DNAH14: variants seen among roughly 807,000 people sequenced by gnomAD.
DNAH14 encodes the protein axonemal beta dynein heavy chain 14.
Under a neutral mutation model 520.9 loss-of-function variants are expected in DNAH14, and 478 were observed. That is an observed-to-expected ratio of 0.92 (90% confidence interval 0.85 to 0.99). The LOEUF is 0.99. DNAH14 is among the 50% of genes least tolerant of loss of function. The probability of loss-of-function intolerance (pLI) is 0.00; values close to 1 mark genes in which losing one functional copy is unlikely to be tolerated. For synonymous variants in DNAH14, 1,581 were observed against 1,757.2 expected, an observed-to-expected ratio of 0.90 and a Z score of 2.51; for missense variants, 4,831 against 5,234.5, an observed-to-expected ratio of 0.92 and a Z score of 2.38.
chr1:224,975,502 G>C (rs1380936083), intron 8 of DNAH14, among the ~76,000 whole-genome samples: 3 of 152,006 alleles, frequency 2.0e-5, no homozygotes, highest in Admixed American at 1.3e-4. Flanking sequence ...AGATTTTCTA[G>C]TTTATTTGCG....
At chr1:224,973,172 T>C (rs1327439145) in intron 7 of DNAH14, among the ~76,000 whole-genome samples, 1 of 152,256 alleles carries the variant, frequency 6.6e-6, no homozygotes, top group East Asian at 1.9e-4. Context: ...GTGGGCCTGT[T>C]TGAAGGATAT....
intron 17 of DNAH14, among the ~76,000 whole-genome samples, chr1:225,055,898 G>A (rs897686983): frequency 3.9e-5 from 6 of 152,000 alleles, no homozygotes; most frequent in Non-Finnish European, 8.8e-5. Flanking sequence ...GTATTCCATG[G>A]TATATATGTG....
intron 37 of DNAH14, among the ~76,000 whole-genome samples, chr1:225,187,128 G>A (rs2084862880): frequency 6.6e-6 from 1 of 151,654 alleles, no homozygotes; most frequent in Non-Finnish European, 1.5e-5. Context: ...TTGCTGGTTG[G>A]CATGGTATAA....
intron 23 of DNAH14, among the ~76,000 whole-genome samples, chr1:225,101,329 A>G (rs1204823158): frequency 6.6e-6 from 1 of 152,126 alleles, no homozygotes; most frequent in East Asian, 1.9e-4. Flanking sequence ...ACGTATCCGT[A>G]GCCTCAAGCA....
At chr1:225,111,613 G>T (rs1166938394) in intron 23 of DNAH14, among the ~76,000 whole-genome samples, 2 of 151,528 alleles carry the variant, frequency 1.3e-5, no homozygotes, top group African/African-American at 2.4e-5. Flanking sequence ...TGGAGAGTTT[G>T]GTCCATTTAC....
chr1:225,291,200 C>T (rs952884614), intron 55 of DNAH14, among the ~76,000 whole-genome samples: 3 of 152,086 alleles, frequency 2.0e-5, no homozygotes, highest in African/African-American at 4.8e-5. Context: ...ATTTCATTCT[C>T]TTTTATGGCT....
intron 42 of DNAH14, among the ~76,000 whole-genome samples, chr1:225,237,685 G>T (rs1373253440): frequency 1.3e-5 from 2 of 152,098 alleles, no homozygotes; most frequent in African/African-American, 4.8e-5. Context: ...TCTCCTGGAT[G>T]ATATCCTGAA....
At position 225,232,007 on chromosome 1, in the gene DNAH14, C is replaced by G. The variant is rs887789810; in HGVS notation, c.6518+856C>G. ...CATATTATTTTATTTTTGAAGTCCTCTGTATTCTCTCCTAGATCTCAGGGT... is the reference window on the plus strand; with the variant it reads ...CATATTATTTTATTTTTGAAGTCCTGTGTATTCTCTCCTAGATCTCAGGGT... On this transcript the variant is annotated intron_variant, in intron 42 of 85. Transcript: ENST00000682510. This position sits in a 1 kb window ranked among gnomAD's most constrained non-coding sequence, Gnocchi z 4.2. Among the ~76,000 whole-genome samples the G allele has an allele frequency of 5.9e-5, 9 of 152,102 alleles. No individual in the cohort carries two copies. The highest frequency in any genetic ancestry group is 1.0e-4 in the Non-Finnish European group (7 of 67,994).
At chr1:224,992,241 G>A (rs1026418765) in intron 8 of DNAH14, among the ~76,000 whole-genome samples, 4 of 151,890 alleles carry the variant, frequency 2.6e-5, no homozygotes, top group Admixed American at 2.0e-4. Flanking sequence ...GGTTTCATAC[G>A]AATTTTAAGA....
chr1:225,006,191 A>G (rs1405887628), intron 9 of DNAH14, among the ~76,000 whole-genome samples: 1 of 152,120 alleles, frequency 6.6e-6, no homozygotes. Flanking sequence ...CTTTACTTTA[A>G]TCTCTTAATC....
At chr1:225,204,308 A>G (rs1260265373) in intron 39 of DNAH14, 35 bp downstream of exon 39, 23 of 1,237,740 alleles carry the variant, frequency 1.9e-5, no homozygotes, top group Non-Finnish European at 2.4e-5. Flanking sequence ...GATTATTAAT[A>G]TAGAAGACAA....
chr1:225,372,748 A>T (rs1203488519), intron 77 of DNAH14, among the ~76,000 whole-genome samples: 3 of 152,224 alleles, frequency 2.0e-5, no homozygotes, highest in Non-Finnish European at 2.9e-5. Context: ...AAATGGTGGC[A>T]AAATAAAGTC....
intron 4 of DNAH14, among the ~76,000 whole-genome samples, chr1:224,961,982 T>G (rs1005238086): frequency 6.6e-6 from 1 of 152,176 alleles, no homozygotes; most frequent in African/African-American, 2.4e-5. Flanking sequence ...CATGAATATG[T>G]AAACTGATAA....
intron 60 of DNAH14, among the ~76,000 whole-genome samples, chr1:225,310,227 T>G (rs1236363305): frequency 6.6e-6 from 1 of 151,962 alleles, no homozygotes; most frequent in Non-Finnish European, 1.5e-5. Flanking sequence ...AGGATAATCT[T>G]TTTTTCTCCC....
intron 27 of DNAH14, among the ~76,000 whole-genome samples, chr1:225,136,205 A>G (rs1190939291): frequency 6.6e-6 from 1 of 152,160 alleles, no homozygotes; most frequent in African/African-American, 2.4e-5. Flanking sequence ...TCATGATGCT[A>G]GCTAGTTATT....
intron 69 of DNAH14, among the ~76,000 whole-genome samples, chr1:225,341,897 C>G (rs2095189703): frequency 6.6e-6 from 1 of 152,124 alleles, no homozygotes; most frequent in Non-Finnish European, 1.5e-5. Context: ...TTGAAGGTTT[C>G]TCAAACACTT....
At chr1:225,326,130 G>T (rs749332869) in intron 64 of DNAH14, among the ~76,000 whole-genome samples, 3 of 152,156 alleles carry the variant, frequency 2.0e-5, no homozygotes, top group Non-Finnish European at 4.4e-5. Context: ...AAGCACAGTG[G>T]TCATTTAATC....
chr1:225,132,227 G>A (rs1294346430), intron 27 of DNAH14, among the ~76,000 whole-genome samples: 1 of 151,618 alleles, frequency 6.6e-6, no homozygotes, highest in Non-Finnish European at 1.5e-5. Context: ...TTTAAGTTCA[G>A]GGGTACATGT....
chr1:224,949,452 T>C (rs113643122), intron 1 of DNAH14, among the ~76,000 whole-genome samples: 44 of 152,332 alleles, frequency 2.9e-4, no homozygotes, highest in Non-Finnish European at 5.6e-4. Flanking sequence ...GGAAAATTAT[T>C]CTCAGTCATT....
Sources: gnomAD v4.1 joint callset for allele counts (sites outside exome capture counted in the v4.1 genomes callset) on GRCh38, gnomAD v4.1.1 for gene constraint, Gnocchi (gnomAD v3.1) non-coding constraint, MANE v1.5 for transcripts, NCBI Gene and HGNC (gene_info 2026-07-23, HGNC 2026-07-21) for gene names.